The following TRPC4 variants were observed in gnomAD, a reference collection of about 807,000 sequenced individuals.
The protein encoded by TRPC4 is transient receptor potential cation channel subfamily C member 4.
In TRPC4, 49 loss-of-function variants were observed where a neutral mutation model predicts 99.4. The observed-to-expected ratio is 0.49, with a 90% CI of 0.39 to 0.63. The LOEUF is 0.63. Ranked by LOEUF, TRPC4 falls within the 20% of genes least tolerant of loss-of-function variation. The pLI, the probability that TRPC4 is intolerant of heterozygous loss-of-function variation, is 0.00. For missense variants in TRPC4, 898 were observed against 1,152.9 expected, an observed-to-expected ratio of 0.78 and a Z score of 3.20; for synonymous variants, 454 against 425.9, an observed-to-expected ratio of 1.07 and a Z score of -0.81.
chr13:37,812,532 A>G (rs2139484290), intron 1 of TRPC4, among the ~76,000 whole-genome samples: 1 of 152,154 alleles, frequency 6.6e-6, no homozygotes, highest in East Asian at 1.9e-4. Context: ...CAGATTAGAT[A>G]TTGCCAAAAA....
intron 3 of TRPC4, among the ~76,000 whole-genome samples, chr13:37,710,254 A>T (rs906395302): frequency 6.6e-6 from 1 of 151,954 alleles, no homozygotes; most frequent in South Asian, 2.1e-4. Flanking sequence ...ACATTAAGAG[A>T]TTAATCAATG....
chr13:37,830,866 G>A (rs1009834769), intron 1 of TRPC4, among the ~76,000 whole-genome samples: 11 of 149,458 alleles, frequency 7.4e-5, no homozygotes, highest in Non-Finnish European at 7.4e-5. Context: ...TAAGCGTAAT[G>A]TTTTAACTTT....
At chr13:37,799,935 GTC>G (rs1957361043) in intron 1 of TRPC4, among the ~76,000 whole-genome samples, 4 of 152,126 alleles carry the variant, frequency 2.6e-5, no homozygotes, top group Admixed American at 2.6e-4. Context: ...TTTCCTCTAA[GTC>G]TCTCTCTGTG....
At chr13:37,684,508 A>T (rs1241085245) in intron 4 of TRPC4, among the ~76,000 whole-genome samples, 1 of 152,134 alleles carries the variant, frequency 6.6e-6, no homozygotes, top group Non-Finnish European at 1.5e-5. Context: ...GTGTAGGAGC[A>T]TTCTTTTTAT....
chr13:37,812,531 T>G (rs529841056), intron 1 of TRPC4, among the ~76,000 whole-genome samples: 1 of 152,118 alleles, frequency 6.6e-6, no homozygotes, highest in African/African-American at 2.4e-5. Flanking sequence ...GCAGATTAGA[T>G]ATTGCCAAAA....
At chr13:37,677,501 C>T (rs553787794) in intron 4 of TRPC4, among the ~76,000 whole-genome samples, 29 of 151,716 alleles carry the variant, frequency 1.9e-4, no homozygotes, top group Non-Finnish European at 3.4e-4. Flanking sequence ...AGAAAGCTCC[C>T]GTGGCTACAT....
intron 1 of TRPC4, among the ~76,000 whole-genome samples, chr13:37,818,185 A>AC (rs34925994): frequency 0.33 from 50,105 of 151,656 alleles, 8,582 homozygotes; most frequent in East Asian, 0.53. Context: ...AAAAATAAAA[A>AC]CCCCAAAAGT....
chr13:37,790,439 C>T (rs1957087711), intron 1 of TRPC4, among the ~76,000 whole-genome samples: 1 of 152,098 alleles, frequency 6.6e-6, no homozygotes. Context: ...GTTGTTTATT[C>T]CCTAAAAGTT....
At chr13:37,667,927 A>G (rs987933340) in intron 5 of TRPC4, among the ~76,000 whole-genome samples, 10 of 152,214 alleles carry the variant, frequency 6.6e-5, no homozygotes, top group Non-Finnish European at 1.0e-4. Context: ...TCAAGTATAC[A>G]TGAGTGTGCC....
intron 3 of TRPC4, among the ~76,000 whole-genome samples, chr13:37,724,389 G>A (rs544321998): frequency 9.2e-5 from 14 of 152,168 alleles, no homozygotes; most frequent in African/African-American, 3.4e-4. Flanking sequence ...TTTGAGCAAT[G>A]AATTAGAAAT....
At chr13:37,659,799 GAGA>G (rs1207926121) in intron 6 of TRPC4, among the ~76,000 whole-genome samples, 2 of 152,162 alleles carry the variant, frequency 1.3e-5, no homozygotes, top group East Asian at 3.9e-4. Flanking sequence ...TGGAAGGGAT[GAGA>G]AGAAGGTAGG....
intron 3 of TRPC4, among the ~76,000 whole-genome samples, chr13:37,743,381 A>C (rs1955647354): frequency 6.6e-6 from 1 of 152,188 alleles, no homozygotes; most frequent in Non-Finnish European, 1.5e-5. Flanking sequence ...TTTGCTTCTT[A>C]GATACTGAAG....
At chr13:37,726,968 T>TA (rs961055335) in intron 3 of TRPC4, among the ~76,000 whole-genome samples, 6 of 152,072 alleles carry the variant, frequency 3.9e-5, no homozygotes, top group Non-Finnish European at 7.4e-5. Flanking sequence ...CAGGTAGAAG[T>TA]AAAAAATTCT....
Position 37,639,244 on chromosome 13 carries a change from C to A in TRPC4, c.2121+14G>T. On this transcript the variant is annotated intron_variant, in intron 9 of 10. Transcript: ENST00000379705. ...TTAGTGAAAATTTCAAGACATAGTA[C>A]AAGGACAACTTACTTGGTATTGGTG... 1.9e-6 allele frequency: 3 copies of A among 1,613,572 alleles called. No individual in the cohort carries two copies. Among genetic ancestry groups the A allele is most frequent in the Non-Finnish European group, 2.5e-6 (3 of 1,179,658 alleles).
At chr13:37,751,416 A>AAG (rs71096804) in intron 2 of TRPC4, among the ~76,000 whole-genome samples, 2 of 151,928 alleles carry the variant, frequency 1.3e-5, no homozygotes, top group African/African-American at 4.8e-5. Flanking sequence ...GAGAGAAAGA[A>AAG]AGAGAGAGAA....
At chr13:37,824,925 T>A (rs934850524) in intron 1 of TRPC4, among the ~76,000 whole-genome samples, 1 of 152,208 alleles carries the variant, frequency 6.6e-6, no homozygotes, top group Non-Finnish European at 1.5e-5. Flanking sequence ...GTTGGTAAGC[T>A]ATTGATTATT....
intron 1 of TRPC4, among the ~76,000 whole-genome samples, chr13:37,816,412 C>T (rs1047562197): frequency 6.6e-5 from 10 of 151,872 alleles, no homozygotes; most frequent in Non-Finnish European, 1.2e-4. Flanking sequence ...ACAGAACTCT[C>T]CAGCCAAAAC....
chr13:37,771,854 A>G (rs955921917), intron 2 of TRPC4, among the ~76,000 whole-genome samples: 6 of 151,642 alleles, frequency 4.0e-5, no homozygotes, highest in Non-Finnish European at 7.4e-5. Context: ...GAAAGTTGAA[A>G]TTTTTACAGG....
At chr13:37,685,957 G>A (rs995546532) in intron 4 of TRPC4, among the ~76,000 whole-genome samples, 1 of 151,994 alleles carries the variant, frequency 6.6e-6, no homozygotes, top group Non-Finnish European at 1.5e-5. Flanking sequence ...AGGGTCATAT[G>A]TCGCACTGTA....
Sources: allele counts gnomAD v4.1 joint callset (sites outside exome capture counted in the v4.1 genomes callset), GRCh38; gene constraint gnomAD v4.1.1; transcripts MANE v1.5; gene names NCBI Gene and HGNC (gene_info 2026-07-23, HGNC 2026-07-21).